HERC6: variants seen among roughly 807,000 people sequenced by gnomAD.
HERC6 encodes the protein HECT and RLD domain containing E3 ubiquitin protein ligase family member 6, also known as probable E3 ubiquitin-protein ligase HERC6.
A neutral mutation model predicts 114.5 loss-of-function variants in HERC6; 101 were observed. That is an observed-to-expected ratio of 0.88 (90% CI 0.75 to 1.04). The LOEUF is 1.04. Ranked by LOEUF, HERC6 falls within the 50% of genes least tolerant of loss-of-function variation. The pLI is 0.00. For synonymous variants in HERC6, 408 were observed against 436.2 expected (o/e 0.94, Z 0.81); for missense variants, 1,133 against 1,230.9 (o/e 0.92, Z 1.19).
At chr4:88,389,532 T>C (rs1358866731) in intron 3 of HERC6, among the ~76,000 whole-genome samples, 1 of 152,066 alleles carries the variant, frequency 6.6e-6, no homozygotes, top group Non-Finnish European at 1.5e-5. Flanking sequence ...TTTTGAATTT[T>C]CTGGGTCAAA....
chr4:88,419,461 A>G (rs529873642), intron 13 of HERC6, among the ~76,000 whole-genome samples: 45 of 152,366 alleles, frequency 3.0e-4, no homozygotes, highest in African/African-American at 1.1e-3. Flanking sequence ...CACAGTGATC[A>G]GTGATTCACA....
intron 15 of HERC6, 107 bp from the exon 16 acceptor site, chr4:88,428,473 C>T: frequency 2.8e-6 from 2 of 726,880 alleles, no homozygotes; most frequent in Non-Finnish European, 4.2e-6. Flanking sequence ...ATAGCAATGG[C>T]AGGATTAAGT....
intron 15 of HERC6, among the ~76,000 whole-genome samples, chr4:88,427,239 T>C (rs1223075498): frequency 6.6e-6 from 1 of 152,126 alleles, no homozygotes; most frequent in East Asian, 1.9e-4. Context: ...TGTGAAAAGG[T>C]AAAACCAATA....
intron 11 of HERC6, among the ~76,000 whole-genome samples, chr4:88,410,327 C>G (rs1736023084): frequency 6.6e-6 from 1 of 152,118 alleles, no homozygotes; most frequent in Admixed American, 6.5e-5. Context: ...TGGTTGCATG[C>G]TTTTGAGTTT....
intron 17 of HERC6, 127 bp downstream of exon 17, chr4:88,431,432 T>C: frequency 9.3e-7 from 1 of 1,074,060 alleles, no homozygotes; most frequent in Non-Finnish European, 1.3e-6. Flanking sequence ...TTTTGAGTAG[T>C]ACTCGTATGG....
chr4:88,382,504 T>C (rs1734373851), intron 1 of HERC6, among the ~76,000 whole-genome samples: 1 of 152,184 alleles, frequency 6.6e-6, no homozygotes, highest in Non-Finnish European at 1.5e-5. Flanking sequence ...CCAACTTTTT[T>C]CTGGGTCTCT....
At chr4:88,389,296 G>C (rs765907650) in intron 3 of HERC6, among the ~76,000 whole-genome samples, 2 of 152,176 alleles carry the variant, frequency 1.3e-5, no homozygotes, top group African/African-American at 2.4e-5. Context: ...GTCCGTCATT[G>C]AGTGAGACAG....
rs772411799 is a variant in HERC6 at position 88,428,616 on chromosome 4, A to G, written c.1972A>G (p.Thr658Ala). The change falls in exon 16 of 23, where the codon ACA becomes GCA. Residue 658 changes from threonine to alanine, a missense_variant. Coordinates refer to ENST00000264346, the MANE Select transcript of HERC6 (RefSeq NM_017912.4). ...EKKAYMLMHE[T>A]ILQKKDEFPP... ...GAAAGCATACATGCTTATGCATGAA[A>G]CAATTCTGCAAAAAAAGGATGAATT... 6.8e-6 allele frequency: 11 copies of G among 1,608,064 alleles called. No individual in the cohort carries two copies. The African/African-American group carries it at 1.5e-4, about 22-fold the overall frequency.
At position 88,389,715 on chromosome 4, in the gene HERC6, T is replaced by G. The variant is rs140150948; in HGVS notation, c.437-937T>G. Among the ~76,000 whole-genome samples the G allele has an allele frequency of 3.9e-4, 59 of 152,288 alleles. No homozygotes were observed. The East Asian group carries it at 0.011, about 28-fold the overall frequency. ...GTTGGGATACTTTAATCTCATTTTT[T>G]TCTTCATCTCTGTTTTACCTTTTAA... On this transcript the variant is annotated intron_variant, in intron 3 of 22. Coordinates refer to ENST00000264346, the MANE Select transcript of HERC6 (RefSeq NM_017912.4).
chr4:88,442,366 C>G lies in HERC6; in HGVS notation c.2975C>G (p.Pro992Arg). 6.2e-7 allele frequency: 1 copy of G among 1,613,824 alleles called. No individual in the cohort carries two copies. The highest frequency in any genetic ancestry group is 8.5e-7 in the Non-Finnish European group (1 of 1,179,836). The change falls in exon 23 of 23, where the codon CCT (proline) becomes CGT (arginine). Residue 992 changes from proline (P) to arginine (R), a missense_variant. Coordinates refer to ENST00000264346, the MANE Select transcript of HERC6 (RefSeq NM_017912.4). ...SITCHNILSL[P>R]KYSTMERMEE... ...ACTTGTCATAATATTCTCTCCCTCC[C>G]TAAGTATTCTACAATGGAAAGAATG...
chr4:88,397,558 G>C (rs997279327), intron 7 of HERC6, among the ~76,000 whole-genome samples: 1 of 151,810 alleles, frequency 6.6e-6, no homozygotes, highest in Non-Finnish European at 1.5e-5. Flanking sequence ...TTAGCCGGGC[G>C]TGGTGGTGCA....
intron 10 of HERC6, among the ~76,000 whole-genome samples, chr4:88,406,753 A>ATTAT (rs968260913): frequency 7.8e-4 from 119 of 152,006 alleles, no homozygotes; most frequent in African/African-American, 1.9e-3. Context: ...TTGTTTTTTT[A>ATTAT]TTATTTATTT....
At chr4:88,395,780 T>C (rs1188039286) in intron 5 of HERC6, among the ~76,000 whole-genome samples, 1 of 152,142 alleles carries the variant, frequency 6.6e-6, no homozygotes, top group Non-Finnish European at 1.5e-5. Context: ...TGCCACAGCC[T>C]TCCAAAGTGC....
At chr4:88,431,029 C>T in intron 16 of HERC6, 133 bp from the exon 17 acceptor site, 1 of 722,420 alleles carries the variant, frequency 1.4e-6, no homozygotes. Flanking sequence ...AGACAGATTG[C>T]AAGGAGGTAA....
At chr4:88,391,951 C>A (rs1043866777) in intron 4 of HERC6, among the ~76,000 whole-genome samples, 1 of 121,108 alleles carries the variant, frequency 8.3e-6, no homozygotes, top group Non-Finnish European at 1.7e-5. Context: ...CCTTTTCCTC[C>A]CCTCCCCACT....
At chr4:88,410,949 A>T (rs928776361) in intron 11 of HERC6, among the ~76,000 whole-genome samples, 1 of 152,082 alleles carries the variant, frequency 6.6e-6, no homozygotes, top group Non-Finnish European at 1.5e-5. Flanking sequence ...TCAATGGGGG[A>T]TGTACAAGAG....
intron 5 of HERC6, among the ~76,000 whole-genome samples, chr4:88,395,511 A>G (rs1020185487): frequency 1.5e-4 from 23 of 152,206 alleles, no homozygotes; most frequent in Non-Finnish European, 2.6e-4. Flanking sequence ...AATGATTACC[A>G]CAATCAAGCT....
chr4:88,408,012 A>G (rs1388885145), intron 10 of HERC6, among the ~76,000 whole-genome samples: 1 of 152,250 alleles, frequency 6.6e-6, no homozygotes, highest in Non-Finnish European at 1.5e-5. Context: ...AAGGGATTCA[A>G]AGAATCTATG....
rs141033016 is a variant in HERC6, at chr4:88,390,645, G to A, written c.437-7G>A. 1.3e-3 allele frequency: 2,061 copies of A among 1,591,380 alleles called. 15 individuals are homozygous for A. The African/African-American group carries it at 0.02, about 16-fold the overall frequency. On this transcript the variant is annotated splice_region_variant and splice_polypyrimidine_tract_variant and intron_variant, in intron 3 of 22. Coordinates refer to ENST00000264346, the MANE Select transcript of HERC6 (RefSeq NM_017912.4). ...GTACAATTCTTAATTTCTCGTCTTT[G>A]TTGTAGATAGCCAAGTGTTTTCGTG...
Sources: allele counts gnomAD v4.1 joint callset (sites outside exome capture counted in the v4.1 genomes callset), GRCh38; gene constraint gnomAD v4.1.1; transcripts MANE v1.5; gene names NCBI Gene and HGNC (gene_info 2026-07-23, HGNC 2026-07-21).